Variants in DLG2 observed in about 807,000 individuals in gnomAD.
The protein encoded by DLG2 is discs large MAGUK scaffold protein 2, also known as disks large homolog 2.
A neutral mutation model predicts 132.5 loss-of-function variants in DLG2; 45 were observed. The observed-to-expected ratio is 0.34, with a 90% CI of 0.27 to 0.44. The LOEUF (loss-of-function observed/expected upper bound fraction) is 0.44. Among genes scored for constraint, DLG2 ranks in the 20% least tolerant of loss-of-function variants. DLG2 has a pLI of 1.00. For missense variants in DLG2, 1,045 were observed against 1,196.9 expected (o/e 0.87, Z 1.87); for synonymous variants, 424 against 419.6 (o/e 1.01, Z -0.13).
At chr11:83,725,535 T>A (rs977379228) in intron 18 of DLG2, 1 of 152,236 alleles carries the variant, frequency 6.6e-6, no homozygotes, top group African/African-American at 2.4e-5. Context: ...TTCACCTTTT[T>A]GCGTGGCAAA....
intron 7 of DLG2, among the ~76,000 whole-genome samples, chr11:84,350,531 G>A (rs1190171464): frequency 6.6e-6 from 1 of 152,108 alleles, no homozygotes; most frequent in African/African-American, 2.4e-5. Context: ...ATGAAGACAC[G>A]GAGTGGTCTT....
chr11:84,410,574 CTTT>C (rs367980167), intron 7 of DLG2, among the ~76,000 whole-genome samples: 2,766 of 109,000 alleles, frequency 0.025, 56 homozygotes, highest in African/African-American at 0.093. Flanking sequence ...ACCACATAAA[CTTT>C]TTTTTTTTTT....
At chr11:85,527,511 G>T (rs944695512) in intron 3 of DLG2, among the ~76,000 whole-genome samples, 3 of 152,014 alleles carry the variant, frequency 2.0e-5, no homozygotes, top group African/African-American at 4.8e-5. Flanking sequence ...TCATGTCCCT[G>T]CAAAGGACAT....
intron 3 of DLG2, among the ~76,000 whole-genome samples, chr11:85,538,262 G>A (rs190388340): frequency 3.0e-4 from 46 of 152,052 alleles, no homozygotes; most frequent in African/African-American, 9.2e-4. Flanking sequence ...ACCTAGAAAC[G>A]TTACTGTAAC....
chr11:84,431,571 C>T (rs1390602874), intron 7 of DLG2, among the ~76,000 whole-genome samples: 1 of 152,016 alleles, frequency 6.6e-6, no homozygotes, highest in African/African-American at 2.4e-5. Flanking sequence ...CATTTACCTT[C>T]CTAAATTCAG....
chr11:84,696,962 CA>C (rs1308523345), intron 6 of DLG2, among the ~76,000 whole-genome samples: 2 of 151,120 alleles, frequency 1.3e-5, no homozygotes, highest in South Asian at 4.2e-4. Context: ...TTGAAGGGTT[CA>C]AAAATATTAA....
intron 9 of DLG2, among the ~76,000 whole-genome samples, chr11:84,161,729 G>T (rs901564786): frequency 1.3e-5 from 2 of 152,166 alleles, no homozygotes; most frequent in Non-Finnish European, 2.9e-5. Flanking sequence ...ACGGGCATGA[G>T]ACCTGTTCAG....
chr11:83,661,872 A>G (rs1220089025), intron 18 of DLG2, among the ~76,000 whole-genome samples: 1 of 152,234 alleles, frequency 6.6e-6, no homozygotes, highest in African/African-American at 2.4e-5. Flanking sequence ...ATCAGGACAG[A>G]GCGAATGAAT....
chr11:84,227,018 G>A (rs1161225701), intron 8 of DLG2, among the ~76,000 whole-genome samples: 18 of 151,900 alleles, frequency 1.2e-4, no homozygotes, highest in Admixed American at 7.9e-4. Context: ...CCCAGGAGTC[G>A]GAGATTGCAG....
chr11:85,608,791 C>T (rs566382492), intron 2 of DLG2, among the ~76,000 whole-genome samples: 8 of 152,224 alleles, frequency 5.3e-5, no homozygotes, highest in African/African-American at 1.9e-4. Context: ...TTCAGATGGT[C>T]CTGATAGGTA....
chr11:84,162,586 G>A (rs1332575587), intron 9 of DLG2, among the ~76,000 whole-genome samples: 2 of 152,020 alleles, frequency 1.3e-5, no homozygotes, highest in Non-Finnish European at 2.9e-5. Context: ...CATTCATCGT[G>A]TATTTGTCCG....
At chr11:83,624,963 C>A (rs369853695) in intron 19 of DLG2, among the ~76,000 whole-genome samples, 1 of 152,176 alleles carries the variant, frequency 6.6e-6, no homozygotes, top group South Asian at 2.1e-4. Context: ...CCTTTGCCCC[C>A]ACTAAGTTTT....
chr11:83,512,996 G>C (rs1455943372), intron 21 of DLG2, among the ~76,000 whole-genome samples: 2 of 152,172 alleles, frequency 1.3e-5, no homozygotes, highest in African/African-American at 4.8e-5. Flanking sequence ...AAACATACCT[G>C]TGCATCTATC....
At chr11:84,764,908 G>A (rs933348730) in intron 6 of DLG2, among the ~76,000 whole-genome samples, 1 of 152,052 alleles carries the variant, frequency 6.6e-6, no homozygotes. Flanking sequence ...GAGGATGAAT[G>A]TGTGTAATGC....
At chr11:84,450,985 T>A (rs535058384) in intron 7 of DLG2, among the ~76,000 whole-genome samples, 1 of 151,990 alleles carries the variant, frequency 6.6e-6, no homozygotes, top group Admixed American at 6.6e-5. Flanking sequence ...TCACGCAATA[T>A]ACCCATGTAA....
At chr11:84,848,142 C>A (rs951858861) in intron 6 of DLG2, among the ~76,000 whole-genome samples, 4 of 152,110 alleles carry the variant, frequency 2.6e-5, no homozygotes, top group African/African-American at 7.2e-5. Flanking sequence ...AACATGCATT[C>A]CTTGCCCCCA....
chr11:85,513,130 G>C (rs1366215349), intron 3 of DLG2, among the ~76,000 whole-genome samples: 1 of 152,034 alleles, frequency 6.6e-6, no homozygotes, highest in Admixed American at 6.6e-5. Flanking sequence ...TTATAAGTGG[G>C]AGCTAAACAT....
intron 15 of DLG2, among the ~76,000 whole-genome samples, chr11:83,877,745 GATAA>G (rs565075482): frequency 2.6e-3 from 392 of 152,200 alleles, no homozygotes; most frequent in Middle Eastern, 0.01. Flanking sequence ...AGTGAACTAA[GATAA>G]ATAGAGTCAA....
In DLG2 at chr11:84,521,875, T is replaced by C. The variant is rs7124477; in HGVS notation, c.519+12695A>G. 5.0e-3 allele frequency among the ~76,000 whole-genome samples: 754 copies of C among 152,222 alleles called. 4 individuals are homozygous for C. Among genetic ancestry groups the C allele is most frequent in the African/African-American group, 0.017 (716 of 41,560 alleles). On this transcript the variant is annotated intron_variant, in intron 7 of 27. Coordinates refer to ENST00000376104, the MANE Select transcript of DLG2 (RefSeq NM_001142699.3). ...GAAACAAGTTTTTAAATTAAATTTC[T>C]TTGGGCTGGGCATGGTGGCTCAAGC... is the stretch of plus-strand genomic sequence containing the variant.
Sources: allele counts gnomAD v4.1 joint callset (sites outside exome capture counted in the v4.1 genomes callset), GRCh38; gene constraint gnomAD v4.1.1; transcripts MANE v1.5; gene names NCBI Gene and HGNC (gene_info 2026-07-23, HGNC 2026-07-21).